The following PDE4B variants were observed in gnomAD, a reference collection of about 807,000 sequenced individuals.
PDE4B encodes 3',5'-cyclic-AMP phosphodiesterase 4B.
A neutral mutation model predicts 82.2 loss-of-function variants in PDE4B; 20 were observed. The ratio of observed to expected loss-of-function variants is 0.24; its 90% CI spans 0.17 to 0.35. The LOEUF (loss-of-function observed/expected upper bound fraction) is 0.35. Ranked by LOEUF, PDE4B falls within the 10% of genes least tolerant of loss-of-function variation. The probability of loss-of-function intolerance (pLI) is 1.00; values close to 1 mark genes in which losing one functional copy is unlikely to be tolerated. For missense variants in PDE4B, 655 were observed against 907.2 expected, an observed-to-expected ratio of 0.72 and a Z score of 3.57; for synonymous variants, 320 against 318.9, an observed-to-expected ratio of 1.00 and a Z score of -0.04.
intron 12 of PDE4B, 63 bp from the exon 13 acceptor site, chr1:66,365,604 G>T: frequency 2.3e-6 from 2 of 888,614 alleles, no homozygotes; most frequent in Non-Finnish European, 3.7e-6. Context: ...CTTTACAAAT[G>T]AAACTGAATA....
At chr1:66,017,093 T>C (rs1308353759) in intron 3 of PDE4B, among the ~76,000 whole-genome samples, 1 of 152,200 alleles carries the variant, frequency 6.6e-6, no homozygotes, top group Non-Finnish European at 1.5e-5. Flanking sequence ...ATTTTGATTG[T>C]GCCTATATAA....
chr1:66,133,184 T>C (rs888128346), intron 3 of PDE4B, among the ~76,000 whole-genome samples: 4 of 152,174 alleles, frequency 2.6e-5, no homozygotes, highest in Admixed American at 2.0e-4. Flanking sequence ...CTCTGTTTTT[T>C]TCAGTGAGTG....
intron 7 of PDE4B, among the ~76,000 whole-genome samples, chr1:66,311,780 T>C (rs1658688356): frequency 6.6e-6 from 1 of 152,216 alleles, no homozygotes; most frequent in Non-Finnish European, 1.5e-5. Flanking sequence ...CAGCAAAGTG[T>C]ATTCCCCATG....
chr1:66,059,002 A>G (rs1270171260), intron 3 of PDE4B, among the ~76,000 whole-genome samples: 1 of 152,168 alleles, frequency 6.6e-6, no homozygotes, highest in Non-Finnish European at 1.5e-5. Flanking sequence ...TGCATCCTTT[A>G]TAAAACTGAA....
In PDE4B at chr1:65,819,926, C is replaced by T. The variant is rs148617729; in HGVS notation, c.-71+26678C>T. 2.2e-3 allele frequency among the ~76,000 whole-genome samples: 335 copies of T among 152,172 alleles called. 2 individuals carry two copies. Among genetic ancestry groups the T allele is most frequent in the Non-Finnish European group, 3.6e-3 (243 of 68,024 alleles). ...GTATAGCTCCAGAGAAATCATGTTA[C>T]GAATTCACAAGGAAAAGAATAAGAG... On this transcript the variant is annotated intron_variant, in intron 1 of 16. Coordinates refer to ENST00000341517, the MANE Select transcript of PDE4B (RefSeq NM_002600.4).
At chr1:66,081,125 A>G (rs1298025051) in intron 3 of PDE4B, among the ~76,000 whole-genome samples, 1 of 152,172 alleles carries the variant, frequency 6.6e-6, no homozygotes, top group East Asian at 1.9e-4. Flanking sequence ...AGCTTTCTCC[A>G]TGGTCTTTTG....
intron 3 of PDE4B, among the ~76,000 whole-genome samples, chr1:66,169,071 C>A (rs935762283): frequency 1.3e-5 from 2 of 152,212 alleles, no homozygotes. Context: ...TTCAAACATG[C>A]CTTCTCATTT....
At chr1:66,282,891 A>C (rs781093551) in intron 7 of PDE4B, among the ~76,000 whole-genome samples, 2 of 152,162 alleles carry the variant, frequency 1.3e-5, no homozygotes, top group Non-Finnish European at 2.9e-5. Flanking sequence ...ATTCAAGCCT[A>C]GGTCTCTTTG....
At chr1:65,949,199 C>T (rs936804605) in intron 3 of PDE4B, among the ~76,000 whole-genome samples, 3 of 152,046 alleles carry the variant, frequency 2.0e-5, no homozygotes, top group Admixed American at 6.6e-5. Flanking sequence ...ATCATTATTC[C>T]CAGGGGTCCT....
intron 1 of PDE4B, among the ~76,000 whole-genome samples, chr1:65,887,210 C>A (rs912652442): frequency 7.8e-4 from 11 of 14,152 alleles, no homozygotes; most frequent in Non-Finnish European, 1.2e-3. Context: ...TTCTTTCTTT[C>A]TTTCTTTCTT....
At chr1:66,182,605 T>C (rs747965458) in intron 3 of PDE4B, among the ~76,000 whole-genome samples, 5 of 152,186 alleles carry the variant, frequency 3.3e-5, no homozygotes, top group South Asian at 2.1e-4. Flanking sequence ...GAGGGCTTGA[T>C]TGATAATATC....
At chr1:66,108,949 T>C (rs1264159649) in intron 3 of PDE4B, among the ~76,000 whole-genome samples, 1 of 152,002 alleles carries the variant, frequency 6.6e-6, no homozygotes, top group Non-Finnish European at 1.5e-5. Flanking sequence ...ATACAGAAAG[T>C]CTGTTCCCAC....
chr1:65,805,868 C>G (rs1317177921), intron 1 of PDE4B, among the ~76,000 whole-genome samples: 1 of 152,086 alleles, frequency 6.6e-6, no homozygotes, highest in Admixed American at 6.5e-5. Flanking sequence ...GTCTTTTTCT[C>G]ATTTGAAGCT....
chr1:65,992,983 T>C (rs1169335618), intron 3 of PDE4B: 3 of 1,613,996 alleles, frequency 1.9e-6, no homozygotes, highest in Non-Finnish European at 2.5e-6. Flanking sequence ...AAGGAGCAAA[T>C]GCATTTAGAA....
intron 7 of PDE4B, among the ~76,000 whole-genome samples, chr1:66,326,363 C>G (rs1190895345): frequency 6.6e-6 from 1 of 152,154 alleles, no homozygotes; most frequent in Non-Finnish European, 1.5e-5. Context: ...TATAGAAAGC[C>G]CTTCAAGTCC....
At chr1:66,096,539 T>C (rs961794270) in intron 3 of PDE4B, among the ~76,000 whole-genome samples, 1 of 144,484 alleles carries the variant, frequency 6.9e-6, no homozygotes, top group African/African-American at 2.5e-5. Flanking sequence ...TATATATATA[T>C]ATACTGCATT....
intron 7 of PDE4B, among the ~76,000 whole-genome samples, chr1:66,287,548 C>T (rs780043596): frequency 7.9e-5 from 12 of 152,232 alleles, no homozygotes; most frequent in Middle Eastern, 3.4e-3. Context: ...TTGACTAGAA[C>T]GGAGGGTGAG....
intron 8 of PDE4B, among the ~76,000 whole-genome samples, chr1:66,342,250 T>C (rs1661042715): frequency 6.6e-6 from 1 of 152,212 alleles, no homozygotes; most frequent in African/African-American, 2.4e-5. Context: ...TAGCTCTTTT[T>C]TCTCCATAAT....
chr1:66,057,356 G>T (rs531411851), intron 3 of PDE4B, among the ~76,000 whole-genome samples: 1 of 152,296 alleles, frequency 6.6e-6, no homozygotes, highest in African/African-American at 2.4e-5. Flanking sequence ...TACTAAAAGA[G>T]TATTGTACTA....
Sources: allele counts gnomAD v4.1 joint callset (sites outside exome capture counted in the v4.1 genomes callset), GRCh38; gene constraint gnomAD v4.1.1; transcripts MANE v1.5; gene names NCBI Gene and HGNC (gene_info 2026-07-23, HGNC 2026-07-21).